Variants in CNOT6L observed in about 807,000 individuals in gnomAD.
CNOT6L encodes the protein CCR4-NOT transcription complex subunit 6 like.
A neutral mutation model predicts 64.0 loss-of-function variants in CNOT6L; 7 were observed. The ratio of observed to expected loss-of-function variants is 0.11; its 90% CI spans 0.06 to 0.21. The LOEUF (loss-of-function observed/expected upper bound fraction) is 0.21, where lower values mean the gene tolerates loss of function less well. CNOT6L is among the 10% of genes least tolerant of loss of function. The pLI is 1.00. For missense variants in CNOT6L, 245 were observed against 669.0 expected (o/e 0.37, Z 6.99); for synonymous variants, 193 against 243.4 (o/e 0.79, Z 1.93).
At chr4:77,722,418 C>T (rs1214142949) in intron 11 of CNOT6L, among the ~76,000 whole-genome samples, 1 of 152,016 alleles carries the variant, frequency 6.6e-6, no homozygotes, top group Non-Finnish European at 1.5e-5. Context: ...AAAAAAATGG[C>T]TGGGTCTGGG....
intron 4 of CNOT6L, among the ~76,000 whole-genome samples, chr4:77,758,988 A>C (rs1403231839): frequency 6.6e-6 from 1 of 152,036 alleles, no homozygotes; most frequent in Non-Finnish European, 1.5e-5. Flanking sequence ...AGACCTAATT[A>C]CAGGACTATA....
chr4:77,795,298 T>C (rs555895434), intron 1 of CNOT6L, among the ~76,000 whole-genome samples: 29 of 152,214 alleles, frequency 1.9e-4, no homozygotes, highest in Admixed American at 6.5e-4. Context: ...AGATTACAGG[T>C]GTGAGCCACT....
At chr4:77,779,074 C>CA (rs1560420025) in intron 1 of CNOT6L, among the ~76,000 whole-genome samples, 1 of 74,144 alleles carries the variant, frequency 1.3e-5, no homozygotes, top group Non-Finnish European at 2.7e-5. Flanking sequence ...AAAAAAAAAA[C>CA]ACAAAAAACA....
chr4:77,735,185 C>T (rs1722819032), intron 8 of CNOT6L, among the ~76,000 whole-genome samples: 2 of 152,108 alleles, frequency 1.3e-5, no homozygotes, highest in Admixed American at 6.6e-5. Flanking sequence ...TCTAAAGCTC[C>T]CTGTTGAGTC....
Position 77,720,524 on chromosome 4 carries a change from G to A in CNOT6L, c.1575C>T (p.Ile525=). The part of the protein sequence containing the change: ...NNITGCPHPH[I]PSDHFSLLTQ... Reference sequence around the variant, plus strand: ...TTAACAGTGAGAAGTGGTCTGAAGGGATGTGAGGGTGTGGACACCCAGTGA... The same window carrying A: ...TTAACAGTGAGAAGTGGTCTGAAGGAATGTGAGGGTGTGGACACCCAGTGA... The change falls in exon 12 of 12, where the codon ATC becomes ATT. Residue 525 remains isoleucine (I), a synonymous_variant. Coordinates refer to ENST00000504123, the MANE Select transcript of CNOT6L (RefSeq NM_144571.3). 6.2e-7 allele frequency: 1 copy of A among 1,613,510 alleles called. No individual in the cohort carries two copies. The highest frequency in any genetic ancestry group is 1.7e-4 in the Middle Eastern group (1 of 6,056).
chr4:77,743,763 G>A (rs1723875181), intron 7 of CNOT6L, among the ~76,000 whole-genome samples: 2 of 151,640 alleles, frequency 1.3e-5, no homozygotes, highest in African/African-American at 4.8e-5. Flanking sequence ...CACCTTGCCT[G>A]GCTAATTTTT....
intron 4 of CNOT6L, among the ~76,000 whole-genome samples, chr4:77,764,216 A>G (rs1245348987): frequency 1.3e-5 from 2 of 152,210 alleles, no homozygotes; most frequent in Admixed American, 1.3e-4. Context: ...ATCACAGTCT[A>G]ATACCAGCTA....
chr4:77,808,044 AAAG>A (rs1732454792), intron 1 of CNOT6L, among the ~76,000 whole-genome samples: 1 of 152,226 alleles, frequency 6.6e-6, no homozygotes, highest in African/African-American at 2.4e-5. Context: ...GATTGTGAAA[AAAG>A]AATTACAACA....
intron 1 of CNOT6L, among the ~76,000 whole-genome samples, chr4:77,798,263 G>A (rs781401403): frequency 1.2e-4 from 18 of 152,080 alleles, no homozygotes; most frequent in Admixed American, 6.5e-5. Flanking sequence ...AGCTATGATC[G>A]TACCATTGCA....
chr4:77,780,962 A>C (rs1728791856), intron 1 of CNOT6L, among the ~76,000 whole-genome samples: 1 of 152,186 alleles, frequency 6.6e-6, no homozygotes, highest in African/African-American at 2.4e-5. Flanking sequence ...CAACACAGCA[A>C]GACCCTGCCT....
chr4:77,797,133 A>G (rs957848654), intron 1 of CNOT6L, among the ~76,000 whole-genome samples: 3 of 139,504 alleles, frequency 2.2e-5, no homozygotes, highest in Non-Finnish European at 4.7e-5. Context: ...AAAACTGCCA[A>G]GGATATTCAC....
chr4:77,819,048 C>T (rs1044979682), intron 1 of CNOT6L: 3 of 526,582 alleles, frequency 5.7e-6, no homozygotes, highest in South Asian at 5.4e-5. Flanking sequence ...GGGCCACCCC[C>T]GACACACACA....
intron 1 of CNOT6L, among the ~76,000 whole-genome samples, chr4:77,816,833 T>C (rs1381948787): frequency 1.3e-5 from 2 of 152,178 alleles, no homozygotes; most frequent in African/African-American, 4.8e-5. Context: ...TATGTTAACT[T>C]TTCTGTTATC....
intron 4 of CNOT6L, among the ~76,000 whole-genome samples, chr4:77,771,736 T>C (rs914176212): frequency 6.6e-6 from 1 of 152,222 alleles, no homozygotes. Context: ...ATTCTTTCTA[T>C]TCTTATTCAA....
chr4:77,805,868 A>T (rs1000122971), intron 1 of CNOT6L, among the ~76,000 whole-genome samples: 2 of 152,208 alleles, frequency 1.3e-5, no homozygotes, highest in African/African-American at 4.8e-5. Flanking sequence ...TATTCTAATT[A>T]TTCAAGCATA....
chr4:77,764,528 C>A (rs913104673), intron 4 of CNOT6L, among the ~76,000 whole-genome samples: 1 of 152,066 alleles, frequency 6.6e-6, no homozygotes, highest in African/African-American at 2.4e-5. Context: ...TTTCACTTTA[C>A]CGTATGGATT....
intron 1 of CNOT6L, among the ~76,000 whole-genome samples, chr4:77,794,410 A>T (rs1730562900): frequency 6.6e-6 from 1 of 151,734 alleles, no homozygotes; most frequent in African/African-American, 2.4e-5. Context: ...CCAGCAATAT[A>T]AAAAAAAGAG....
At chr4:77,820,232 G>T (rs559330880), upstream of CNOT6L, among the ~76,000 whole-genome samples, 1 of 152,154 alleles carries the variant, frequency 6.6e-6, no homozygotes, top group African/African-American at 2.4e-5. Context: ...GTGCGAGAAC[G>T]AGGAGGGTTG....
rs1195312847 is a variant in CNOT6L at position 77,728,708 on chromosome 4, ACT to A, written c.1252+144_1252+145del. The A allele has an allele frequency of 1.8e-5, 12 of 657,454 alleles. No individual in the cohort carries two copies. The East Asian group carries it at 3.2e-4, about 18-fold the overall frequency. 40.7% of individuals were successfully genotyped at this position (657,454 alleles called of 1,614,324 possible). A position where few individuals can be genotyped will look rare whatever the true frequency, so the allele number is the denominator to read the frequency against. Reference sequence around the variant, plus strand: ...CCTTTGGTAATAGCTTCTTTATTAAACTCTCTTCTATTACCTTGTGTCCCATC... The same window carrying A: ...CCTTTGGTAATAGCTTCTTTATTAAACTCTTCTATTACCTTGTGTCCCATC... On this transcript the variant is annotated intron_variant, in intron 10 of 11. Coordinates refer to ENST00000504123, the MANE Select transcript of CNOT6L (RefSeq NM_144571.3).
Sources: allele counts gnomAD v4.1 joint callset (sites outside exome capture counted in the v4.1 genomes callset), GRCh38; gene constraint gnomAD v4.1.1; transcripts MANE v1.5; gene names NCBI Gene and HGNC (gene_info 2026-07-23, HGNC 2026-07-21).